TMEM108: variants seen among roughly 807,000 people sequenced by gnomAD.
TMEM108 encodes transmembrane protein 108.
TMEM108 carries 12 observed loss-of-function variants against 35.1 expected under a neutral mutation model. That is an observed-to-expected ratio of 0.34 (90% confidence interval 0.22 to 0.55). The LOEUF (loss-of-function observed/expected upper bound fraction) is 0.55. Among genes scored for constraint, TMEM108 ranks in the 20% least tolerant of loss-of-function variants. The pLI is 0.89. For missense variants in TMEM108, 680 were observed against 753.3 expected (o/e 0.90, Z 1.14); for synonymous variants, 287 against 308.6 (o/e 0.93, Z 0.73).
At chr3:133,115,809 G>C (rs1944281180) in intron 2 of TMEM108, among the ~76,000 whole-genome samples, 1 of 152,182 alleles carries the variant, frequency 6.6e-6, no homozygotes. Context: ...AACATCATTA[G>C]CTGTTGCTGT....
chr3:133,313,934 G>T (rs2071165397), intron 3 of TMEM108, among the ~76,000 whole-genome samples: 1 of 152,004 alleles, frequency 6.6e-6, no homozygotes, highest in Non-Finnish European at 1.5e-5. Context: ...TTTCCCTAAT[G>T]CATGGATGAT....
intron 3 of TMEM108, among the ~76,000 whole-genome samples, chr3:133,291,305 G>A (rs924250947): frequency 2.0e-5 from 3 of 151,048 alleles, no homozygotes; most frequent in African/African-American, 7.3e-5. Flanking sequence ...TTTTGAGACA[G>A]GATCTCATTC....
chr3:133,389,427 C>T, intron 4 of TMEM108: 5 of 982,676 alleles, frequency 5.1e-6, no homozygotes, highest in Non-Finnish European at 6.0e-6. Flanking sequence ...CACCTGTAAT[C>T]AATCCCAGCA....
At chr3:133,309,954 C>T (rs1360091195) in intron 3 of TMEM108, among the ~76,000 whole-genome samples, 1 of 152,094 alleles carries the variant, frequency 6.6e-6, no homozygotes, top group Non-Finnish European at 1.5e-5. Context: ...CCCTCCTCGG[C>T]CTCCCAAAGT....
At chr3:133,287,672 C>T (rs1947004631) in intron 3 of TMEM108, among the ~76,000 whole-genome samples, 1 of 152,134 alleles carries the variant, frequency 6.6e-6, no homozygotes, top group Admixed American at 6.6e-5. Context: ...CTAAGATATA[C>T]TTATCACCTA....
chr3:133,082,049 C>T (rs544102612), intron 2 of TMEM108, among the ~76,000 whole-genome samples: 2 of 152,316 alleles, frequency 1.3e-5, no homozygotes, highest in Admixed American at 1.3e-4. Flanking sequence ...TAACTCTACT[C>T]CTTGTGGCAG....
intron 3 of TMEM108, among the ~76,000 whole-genome samples, chr3:133,230,255 C>A (rs1946133191): frequency 6.6e-6 from 1 of 152,168 alleles, no homozygotes; most frequent in Non-Finnish European, 1.5e-5. Flanking sequence ...AGTCAGTCAG[C>A]CCTTAGAATT....
intron 2 of TMEM108, among the ~76,000 whole-genome samples, chr3:133,181,551 A>G (rs1945344949): frequency 6.6e-6 from 1 of 152,176 alleles, no homozygotes; most frequent in African/African-American, 2.4e-5. Context: ...TTCCCTTCCC[A>G]CAGCCCAGAC....
chr3:133,305,806 G>T (rs1312639126), intron 3 of TMEM108, among the ~76,000 whole-genome samples: 1 of 151,872 alleles, frequency 6.6e-6, no homozygotes, highest in Non-Finnish European at 1.5e-5. Context: ...TATTCATTAT[G>T]GTTTTAATTT....
At chr3:133,212,118 G>C (rs1945841774) in intron 2 of TMEM108, among the ~76,000 whole-genome samples, 1 of 152,084 alleles carries the variant, frequency 6.6e-6, no homozygotes, top group African/African-American at 2.4e-5. Flanking sequence ...CCAGGGACAG[G>C]CACTCTGCTC....
At chr3:133,309,835 G>A (rs1383433410) in intron 3 of TMEM108, among the ~76,000 whole-genome samples, 1 of 151,548 alleles carries the variant, frequency 6.6e-6, no homozygotes, top group Admixed American at 6.6e-5. Context: ...CAAGTAGCTG[G>A]GACTACAGGC....
intron 2 of TMEM108, among the ~76,000 whole-genome samples, chr3:133,226,627 G>A (rs912945307): frequency 1.3e-5 from 2 of 152,146 alleles, no homozygotes; most frequent in African/African-American, 4.8e-5. Context: ...ATCATGGCCT[G>A]AGCTAGTTTT....
At chr3:133,236,378 A>G (rs780537876) in intron 3 of TMEM108, among the ~76,000 whole-genome samples, 2 of 152,098 alleles carry the variant, frequency 1.3e-5, no homozygotes, top group South Asian at 2.1e-4. Context: ...CCCCTACTCT[A>G]TAGAATTTAG....
intron 3 of TMEM108, among the ~76,000 whole-genome samples, chr3:133,233,325 T>A (rs539662989): frequency 6.6e-6 from 1 of 152,298 alleles, no homozygotes; most frequent in East Asian, 1.9e-4. Context: ...TTACTGAGAA[T>A]GATGATTTCC....
intron 3 of TMEM108, among the ~76,000 whole-genome samples, chr3:133,230,084 G>A (rs898915271): frequency 2.0e-5 from 3 of 152,166 alleles, no homozygotes; most frequent in South Asian, 2.1e-4. Flanking sequence ...GGCATTACCC[G>A]CTCCAGGTCA....
At chr3:133,234,215 G>A (rs1946198503) in intron 3 of TMEM108, among the ~76,000 whole-genome samples, 1 of 151,968 alleles carries the variant, frequency 6.6e-6, no homozygotes, top group Non-Finnish European at 1.5e-5. Context: ...ATTAATTTTT[G>A]TATAAGGTGT....
intron 3 of TMEM108, among the ~76,000 whole-genome samples, chr3:133,367,702 G>A (rs2072540683): frequency 1.3e-5 from 2 of 152,256 alleles, no homozygotes; most frequent in South Asian, 4.1e-4. Flanking sequence ...GGTCTCAGGA[G>A]CAGGCAGGCT....
In TMEM108 at chr3:133,379,876, C is replaced by G; in HGVS notation, c.165C>G (p.His55Gln). The part of the protein sequence containing the change: ...TPPGTMVTAP[H>Q]SSTRHTSVVM... Reference sequence around the variant, plus strand: ...CGGGAACCATGGTGACAGCACCCCACAGCTCTACCAGACATACTTCTGTGG... The same window carrying G: ...CGGGAACCATGGTGACAGCACCCCAGAGCTCTACCAGACATACTTCTGTGG... Residue 55 changes from histidine to glutamine, a missense_variant, in exon 4 of 6, where the codon CAC (histidine) becomes CAG (glutamine). This residue lies in a region of TMEM108 where 49 missense variants were observed against 70.6 expected (regional missense o/e 0.69). Transcript: ENST00000321871. 6.2e-7 allele frequency: 1 copy of G among 1,614,036 alleles called. No individual in the cohort carries two copies. The highest frequency in any genetic ancestry group is 8.5e-7 in the Non-Finnish European group (1 of 1,179,944).
intron 2 of TMEM108, chr3:133,119,066 C>G (rs193144167): frequency 5.9e-5 from 9 of 152,216 alleles, no homozygotes; most frequent in Admixed American, 5.9e-4. Flanking sequence ...AACGTACTAG[C>G]ACCATTCTCC....
Sources: gnomAD v4.1 joint callset for allele counts (sites outside exome capture counted in the v4.1 genomes callset) on GRCh38, gnomAD v4.1.1 for gene constraint, gnomAD v4.1.1 regional missense constraint, MANE v1.5 for transcripts, NCBI Gene and HGNC (gene_info 2026-07-23, HGNC 2026-07-21) for gene names.